The following TDRD9 variants were observed in gnomAD, a reference collection of about 807,000 sequenced individuals.
TDRD9 encodes ATP-dependent RNA helicase TDRD9.
A neutral mutation model predicts 172.6 loss-of-function variants in TDRD9; 124 were observed. That is an observed-to-expected ratio of 0.72 (90% confidence interval 0.62 to 0.83). The LOEUF (loss-of-function observed/expected upper bound fraction) is 0.83, where lower values mean the gene tolerates loss of function less well. Among genes scored for constraint, TDRD9 ranks in the 40% least tolerant of loss-of-function variants. The pLI, the probability that TDRD9 is intolerant of heterozygous loss-of-function variation, is 0.00. For synonymous variants in TDRD9, 619 were observed against 617.1 expected (o/e 1.00, Z -0.05); for missense variants, 1,479 against 1,714.1 (o/e 0.86, Z 2.42).
At chr14:103,932,273 G>A (rs528796594) in intron 1 of TDRD9, among the ~76,000 whole-genome samples, 2 of 152,300 alleles carry the variant, frequency 1.3e-5, no homozygotes, top group South Asian at 2.1e-4. Context: ...AACCCCGCAC[G>A]GTGCCTGGCA....
intron 5 of TDRD9, among the ~76,000 whole-genome samples, chr14:103,967,347 C>CAAAAAA (rs11444885): frequency 1.4e-4 from 7 of 49,748 alleles, no homozygotes; most frequent in Admixed American, 3.1e-4. Context: ...ACTAAAAATA[C>CAAAAAA]AAAAAAAAAA....
chr14:103,933,863 C>T (rs569501956), intron 1 of TDRD9, among the ~76,000 whole-genome samples: 1 of 152,340 alleles, frequency 6.6e-6, no homozygotes, highest in South Asian at 2.1e-4. Flanking sequence ...TTACTTTGTC[C>T]TAAGTCCACA....
At chr14:103,968,962 T>C (rs1270875838) in intron 5 of TDRD9, among the ~76,000 whole-genome samples, 1 of 148,072 alleles carries the variant, frequency 6.8e-6, no homozygotes, top group Non-Finnish European at 1.5e-5. Context: ...TAGCCGGGCA[T>C]GGTGGCGGGC....
At chr14:103,958,379 T>C (rs2032345824) in intron 2 of TDRD9, among the ~76,000 whole-genome samples, 1 of 152,034 alleles carries the variant, frequency 6.6e-6, no homozygotes, top group Non-Finnish European at 1.5e-5. Context: ...CCAGTGCTGC[T>C]AGGGAGTAGA....
At chr14:103,934,103 A>G (rs1374118334) in intron 1 of TDRD9, among the ~76,000 whole-genome samples, 1 of 151,742 alleles carries the variant, frequency 6.6e-6, no homozygotes, top group Non-Finnish European at 1.5e-5. Flanking sequence ...TGCAGCCTTG[A>G]ACTCCTGTGC....
chr14:104,031,857 C>A (rs117251316), intron 29 of TDRD9, among the ~76,000 whole-genome samples, 160 bp from the exon 30 acceptor site: 5 of 152,112 alleles, frequency 3.3e-5, no homozygotes, highest in Non-Finnish European at 7.4e-5. Context: ...CAGAAAAATA[C>A]CTTCTTTAAG....
chr14:104,050,344 G>C (rs1245005419), intron 35 of TDRD9, among the ~76,000 whole-genome samples: 1 of 152,118 alleles, frequency 6.6e-6, no homozygotes, highest in Non-Finnish European at 1.5e-5. Flanking sequence ...ATCACAGTGG[G>C]GGTTCGGGCT....
chr14:104,011,682 G>A (rs779450521), intron 20 of TDRD9, among the ~76,000 whole-genome samples: 13 of 152,038 alleles, frequency 8.6e-5, no homozygotes, highest in African/African-American at 2.4e-4. Context: ...ATAGTTACAC[G>A]TAATTTTCTT....
intron 34 of TDRD9, among the ~76,000 whole-genome samples, chr14:104,048,934 G>C (rs1253621586): frequency 6.6e-6 from 1 of 152,218 alleles, no homozygotes; most frequent in Non-Finnish European, 1.5e-5. Context: ...GCTGGGTTCA[G>C]GGGCAGGTGT....
chr14:103,995,781 C>CT lies in TDRD9; in HGVS notation c.1353dup (p.Val452CysfsTer16). 6.2e-7 allele frequency: 1 copy of CT among 1,609,614 alleles called. No homozygotes were observed. Among genetic ancestry groups the CT allele is most frequent in the Non-Finnish European group, 8.5e-7 (1 of 1,178,196 alleles). On this transcript the variant is annotated frameshift_variant, in exon 12 of 36. Coordinates refer to ENST00000409874, the MANE Select transcript of TDRD9 (RefSeq NM_153046.3). LOFTEE classifies it high-confidence loss of function. ...CTGTCCACCAATATTGCAGAGAGTT[C>CT]TGTCACAGTTCCAGATGTCAAATAT...
rs77001206 is a variant in TDRD9 at position 103,988,179 on chromosome 14, A to T, written c.1115+1859A>T. Among the ~76,000 whole-genome samples the T allele has an allele frequency of 2.5e-3, 354 of 143,780 alleles. 2 individuals are homozygous for T. The highest frequency in any genetic ancestry group is 3.5e-3 in the Non-Finnish European group (226 of 64,584). The allele number at this position is 143,780 out of a possible 152,430, so 94.3% of individuals were successfully genotyped here. ...GTAGACAACATATTCTGAGTGGGATATTTTTTTTTTTTAAAGATTGAGTCT... is the reference window on the plus strand; with the variant it reads ...GTAGACAACATATTCTGAGTGGGATTTTTTTTTTTTTTAAAGATTGAGTCT... On this transcript the variant is annotated intron_variant, in intron 8 of 35. Coordinates refer to ENST00000409874, the MANE Select transcript of TDRD9 (RefSeq NM_153046.3).
chr14:104,018,638 A>G (rs1458022846), intron 23 of TDRD9, among the ~76,000 whole-genome samples: 1 of 152,222 alleles, frequency 6.6e-6, no homozygotes, highest in African/African-American at 2.4e-5. Context: ...AAACATTGTA[A>G]AAACTCAATT....
intron 20 of TDRD9, among the ~76,000 whole-genome samples, chr14:104,014,247 A>T (rs200290294): frequency 7.2e-4 from 107 of 148,260 alleles, no homozygotes; most frequent in East Asian, 3.4e-3. Context: ...AAAAAAAAAA[A>T]AAAGATAATA....
chr14:103,970,333 G>A (rs2032965557), intron 5 of TDRD9, among the ~76,000 whole-genome samples: 1 of 152,290 alleles, frequency 6.6e-6, no homozygotes, highest in Non-Finnish European at 1.5e-5. Context: ...GAGAAACACT[G>A]GGGGCCGTGA....
At chr14:104,049,582 G>C in intron 34 of TDRD9, 26 bp from the exon 35 acceptor site, 1 of 1,509,494 alleles carries the variant, frequency 6.6e-7, no homozygotes, top group South Asian at 1.2e-5. Context: ...ATATAATTAA[G>C]ATAATTTCTT....
At chr14:103,950,701 G>A (rs1474264938) in intron 1 of TDRD9, among the ~76,000 whole-genome samples, 1 of 152,162 alleles carries the variant, frequency 6.6e-6, no homozygotes, top group Non-Finnish European at 1.5e-5. Flanking sequence ...TCATCTATTT[G>A]CTCATCAAAC....
chr14:103,966,662 C>CTT, intron 4 of TDRD9, 47 bp from the exon 5 acceptor site: 4 of 1,448,806 alleles, frequency 2.8e-6, no homozygotes, highest in Admixed American at 2.6e-5. Context: ...ATGGACATAA[C>CTT]TTTTTTTTTC....
intron 4 of TDRD9, 55 bp from the exon 5 acceptor site, chr14:103,966,654 G>T (rs553844334): frequency 6.9e-7 from 1 of 1,443,594 alleles, no homozygotes; most frequent in African/African-American, 1.4e-5. Flanking sequence ...TTAATAAAAT[G>T]GACATAACTT....
chr14:104,016,494 T>G (rs1214727922), intron 22 of TDRD9, among the ~76,000 whole-genome samples: 1 of 152,240 alleles, frequency 6.6e-6, no homozygotes, highest in Non-Finnish European at 1.5e-5. Flanking sequence ...CCGACCTGGA[T>G]GCCCAACAGA....
Sources: gnomAD v4.1 joint callset for allele counts (sites outside exome capture counted in the v4.1 genomes callset) on GRCh38, gnomAD v4.1.1 for gene constraint, MANE v1.5 for transcripts, NCBI Gene and HGNC (gene_info 2026-07-23, HGNC 2026-07-21) for gene names.